ARHGAP6: variants seen among roughly 807,000 people sequenced by gnomAD.
The protein encoded by ARHGAP6 is rho GTPase-activating protein 6.
Under a neutral mutation model 55.7 loss-of-function variants are expected in ARHGAP6, and 16 were observed. The observed-to-expected ratio is 0.29, with a 90% CI of 0.19 to 0.44. The LOEUF is 0.44. ARHGAP6 is among the 20% of genes least tolerant of loss of function. ARHGAP6 has a pLI of 1.00. For synonymous variants in ARHGAP6, 382 were observed against 360.9 expected (o/e 1.06, Z -0.66); for missense variants, 698 against 808.9 (o/e 0.86, Z 1.66).
At chrX:11,172,668 G>T (rs1176497352) in intron 8 of ARHGAP6, among the ~76,000 whole-genome samples, 1 of 111,742 alleles carries the variant, frequency 8.9e-6, no homozygotes, top group Non-Finnish European at 1.9e-5. Context: ...TCCAGCTGCA[G>T]ACCAAGCTGC....
At chrX:11,620,741 T>A (rs760404936) in intron 1 of ARHGAP6, among the ~76,000 whole-genome samples, 1 of 112,024 alleles carries the variant, frequency 8.9e-6, no homozygotes, top group Non-Finnish European at 1.9e-5. Flanking sequence ...TTGGCCAATG[T>A]CTGGAGACAT....
At chrX:11,494,302 C>T (rs1045701312) in intron 1 of ARHGAP6, among the ~76,000 whole-genome samples, 15 of 111,974 alleles carry the variant, frequency 1.3e-4, no homozygotes, top group African/African-American at 4.5e-4. Context: ...AAAATCCACA[C>T]AAAATGGTCA....
chrX:11,568,933 G>A (rs2051480272), intron 1 of ARHGAP6, among the ~76,000 whole-genome samples: 1 of 111,742 alleles, frequency 8.9e-6, no homozygotes, highest in Admixed American at 9.5e-5. Flanking sequence ...TGGAGGCTAT[G>A]GCAAAAACAT....
chrX:11,551,962 T>G (rs1374720668), intron 1 of ARHGAP6, among the ~76,000 whole-genome samples: 1 of 111,683 alleles, frequency 9.0e-6, no homozygotes, highest in Admixed American at 9.6e-5. Flanking sequence ...TTGTGCTGCT[T>G]CATTACAGCA....
At chrX:11,299,188 G>A (rs900417523) in intron 1 of ARHGAP6, among the ~76,000 whole-genome samples, 2 of 111,467 alleles carry the variant, frequency 1.8e-5, no homozygotes, top group African/African-American at 6.5e-5. Flanking sequence ...TTTATGGTAG[G>A]TTTCAATTTT....
chrX:11,494,350 T>C (rs1290594763), intron 1 of ARHGAP6, among the ~76,000 whole-genome samples: 1 of 112,455 alleles, frequency 8.9e-6, no homozygotes, highest in Admixed American at 9.4e-5. Flanking sequence ...GCTCAGTTGG[T>C]AAACATGCCT....
intron 1 of ARHGAP6, among the ~76,000 whole-genome samples, chrX:11,655,315 T>C (rs2052626273): frequency 8.9e-6 from 1 of 112,497 alleles, no homozygotes; most frequent in Non-Finnish European, 1.9e-5. Context: ...GTTTCTACCA[T>C]TTGGCTATTA....
chrX:11,457,910 C>G (rs1786019714), intron 1 of ARHGAP6, among the ~76,000 whole-genome samples: 1 of 112,153 alleles, frequency 8.9e-6, no homozygotes, highest in Non-Finnish European at 1.9e-5. Flanking sequence ...CTTACTTTCT[C>G]ACTGTGTTCC....
chrX:11,298,343 G>A, intron 1 of ARHGAP6: 1 of 1,139,201 alleles, frequency 8.8e-7, no homozygotes, highest in South Asian at 1.8e-5. Context: ...CCCATATTAA[G>A]TGAAATATCA....
intron 2 of ARHGAP6, among the ~76,000 whole-genome samples, chrX:11,210,870 A>G (rs754799342): frequency 8.9e-6 from 1 of 112,165 alleles, no homozygotes; most frequent in Non-Finnish European, 1.9e-5. Context: ...ATCTTTTGCT[A>G]CTATTATTAT....
intron 1 of ARHGAP6, among the ~76,000 whole-genome samples, chrX:11,445,128 A>G (rs1603210008): frequency 8.9e-6 from 1 of 112,602 alleles, no homozygotes; most frequent in Non-Finnish European, 1.9e-5. Context: ...TGAGAAGAAC[A>G]TTCTTTTAAA....
chrX:11,648,942 A>AAC (rs2052556887), intron 1 of ARHGAP6, among the ~76,000 whole-genome samples: 1 of 112,260 alleles, frequency 8.9e-6, no homozygotes, highest in Non-Finnish European at 1.9e-5. Flanking sequence ...ATCATATGTA[A>AAC]GAAGCATGTG....
chrX:11,324,688 A>C (rs764132741), intron 1 of ARHGAP6, among the ~76,000 whole-genome samples: 1 of 112,010 alleles, frequency 8.9e-6, no homozygotes, highest in East Asian at 2.8e-4. Flanking sequence ...CAGGACCCTT[A>C]GTTCTTTAGA....
chrX:11,211,074 G>A (rs2046787556), intron 2 of ARHGAP6, among the ~76,000 whole-genome samples: 1 of 111,705 alleles, frequency 9.0e-6, no homozygotes, highest in East Asian at 2.8e-4. Flanking sequence ...ATTATTCAGA[G>A]CTCTCTGAGA....
intron 1 of ARHGAP6, among the ~76,000 whole-genome samples, chrX:11,300,207 A>T: frequency 8.9e-6 from 1 of 111,991 alleles, no homozygotes; most frequent in Non-Finnish European, 1.9e-5. Context: ...ATTTATGGAA[A>T]GGTGACTTTG....
intron 1 of ARHGAP6, among the ~76,000 whole-genome samples, chrX:11,644,933 C>A (rs764604190): frequency 1.8e-5 from 2 of 111,726 alleles, no homozygotes; most frequent in Admixed American, 1.9e-4. Context: ...TGAAAACAAG[C>A]CAAATTTACT....
chrX:11,343,653 A>C (rs1361832010), intron 1 of ARHGAP6, among the ~76,000 whole-genome samples: 1 of 110,792 alleles, frequency 9.0e-6, no homozygotes, highest in Non-Finnish European at 1.9e-5. Context: ...TTTGAACCCC[A>C]CCCCGGACCT....
At chrX:11,474,722 G>A (rs764587787) in intron 1 of ARHGAP6, among the ~76,000 whole-genome samples, 2 of 111,472 alleles carry the variant, frequency 1.8e-5, no homozygotes, top group South Asian at 7.6e-4. Context: ...TCCTCAGTGT[G>A]GTGGTGTTGG....
chrX:11,660,447 C>A (rs747970655), intron 1 of ARHGAP6, among the ~76,000 whole-genome samples: 32 of 97,367 alleles, frequency 3.3e-4, no homozygotes, highest in African/African-American at 1.2e-3. Context: ...GCAGGAGAAT[C>A]GCTTGAACAT....
Sources: gnomAD v4.1 joint callset for allele counts (sites outside exome capture counted in the v4.1 genomes callset) on GRCh38, gnomAD v4.1.1 for gene constraint, MANE v1.5 for transcripts, NCBI Gene and HGNC (gene_info 2026-07-23, HGNC 2026-07-21) for gene names.